Variants in RILPL2 observed in about 807,000 individuals in gnomAD.
RILPL2 encodes the protein RILP-like protein 2.
Under a neutral mutation model 22.2 loss-of-function variants are expected in RILPL2, and 19 were observed. The observed-to-expected ratio is 0.86, with a 90% CI of 0.60 to 1.25. RILPL2 has a LOEUF of 1.25. Ranked by LOEUF, RILPL2 falls within the 50% of genes most tolerant of loss-of-function variation. The pLI is 0.00. For synonymous variants in RILPL2, 123 were observed against 111.6 expected (o/e 1.10, Z -0.64); for missense variants, 243 against 263.6 (o/e 0.92, Z 0.54).
At chr12:123,424,714 G>C (rs1879388131) in intron 2 of RILPL2, among the ~76,000 whole-genome samples, 1 of 152,132 alleles carries the variant, frequency 6.6e-6, no homozygotes, top group Admixed American at 6.6e-5. Flanking sequence ...ACCATAAGAA[G>C]ACTGACCAAA....
chr12:123,413,377 C>G (rs1341910437), downstream of RILPL2: 2 of 153,144 alleles, frequency 1.3e-5, no homozygotes, highest in Non-Finnish European at 1.5e-5. Context: ...CAGATGTGTT[C>G]GGAGTTTCTT....
chr12:123,435,706 T>C (rs1566094636), intron 1 of RILPL2, among the ~76,000 whole-genome samples: 2 of 152,112 alleles, frequency 1.3e-5, no homozygotes, highest in African/African-American at 2.4e-5. Context: ...ACCACTGCAC[T>C]CTAGCCTGGG....
downstream of RILPL2, chr12:123,413,657 G>C (rs184290346): frequency 5.3e-5 from 8 of 152,240 alleles, no homozygotes; most frequent in African/African-American, 1.7e-4. Flanking sequence ...GAACCCGAGC[G>C]GGTTGCCACT....
chr12:123,432,439 G>A (rs1879678788), intron 1 of RILPL2, among the ~76,000 whole-genome samples: 1 of 152,180 alleles, frequency 6.6e-6, no homozygotes, highest in Non-Finnish European at 1.5e-5. Flanking sequence ...CAGGGAGGCT[G>A]AAACTGCAGT....
rs554378224 is a variant in RILPL2, at chr12:123,415,751, C to T, written c.*140G>A. The T allele has an allele frequency of 4.7e-6, 4 of 842,672 alleles. No homozygotes were observed. In the East Asian group the frequency reaches 7.3e-5, roughly 15 times the overall value. The allele number at this position is 842,672 out of a possible 1,614,324, so 52.2% of individuals were successfully genotyped here. A position where few individuals can be genotyped will look rare whatever the true frequency, so the allele number is the denominator to read the frequency against. ...AGTGATGCCAAGAGAACCTCGTCTC[C>T]TCCCTCCTCAGTCTGCTTTGAAGGG... On this transcript the variant is annotated 3_prime_UTR_variant, in exon 4 of 4. Coordinates refer to ENST00000280571, the MANE Select transcript of RILPL2 (RefSeq NM_145058.3).
intron 2 of RILPL2, among the ~76,000 whole-genome samples, chr12:123,425,174 CTTA>C (rs1879408197): frequency 6.6e-6 from 1 of 151,650 alleles, no homozygotes; most frequent in Admixed American, 6.6e-5. Flanking sequence ...TGCGCCCGGC[CTTA>C]TTATTATTTT....
At chr12:123,429,887 A>C (rs1222453260) in intron 2 of RILPL2, among the ~76,000 whole-genome samples, 1 of 151,626 alleles carries the variant, frequency 6.6e-6, no homozygotes, top group African/African-American at 2.4e-5. Flanking sequence ...AGGCTGAGGC[A>C]GGTGGATCAC....
At chr12:123,425,000 C>G (rs1879401405) in intron 2 of RILPL2, among the ~76,000 whole-genome samples, 1 of 151,990 alleles carries the variant, frequency 6.6e-6, no homozygotes, top group African/African-American at 2.4e-5. Context: ...CTGCCTCAGC[C>G]TCTCAAGTAG....
chr12:123,420,272 G>A (rs536686346), intron 3 of RILPL2, among the ~76,000 whole-genome samples: 54 of 151,238 alleles, frequency 3.6e-4, no homozygotes, highest in African/African-American at 1.0e-3. Flanking sequence ...TGATCCTCCC[G>A]CCTCGGCCTC....
chr12:123,421,731 A>G (rs1190112473), intron 3 of RILPL2, among the ~76,000 whole-genome samples: 8 of 144,706 alleles, frequency 5.5e-5, no homozygotes, highest in Non-Finnish European at 1.1e-4. Flanking sequence ...GCAGTGGCAC[A>G]ATCTCGGCTC....
At chr12:123,425,081 G>A (rs963312099) in intron 2 of RILPL2, among the ~76,000 whole-genome samples, 2 of 151,734 alleles carry the variant, frequency 1.3e-5, no homozygotes, top group Admixed American at 6.6e-5. Flanking sequence ...GGATTTCACT[G>A]TGTTAGCCAG....
At chr12:123,420,730 C>G (rs1029760257) in intron 3 of RILPL2, among the ~76,000 whole-genome samples, 1 of 152,206 alleles carries the variant, frequency 6.6e-6, no homozygotes, top group Non-Finnish European at 1.5e-5. Context: ...AGCCACTGCG[C>G]CCGGTCGAGT....
At chr12:123,413,672 C>G (rs1299407133), downstream of RILPL2, 2 of 152,232 alleles carry the variant, frequency 1.3e-5, no homozygotes, top group Non-Finnish European at 2.9e-5. Flanking sequence ...GCCACTGCTG[C>G]CTGGGGCAGC....
chr12:123,416,271 C>A (rs1380544678), intron 3 of RILPL2, among the ~76,000 whole-genome samples: 1 of 152,096 alleles, frequency 6.6e-6, no homozygotes, highest in East Asian at 1.9e-4. Flanking sequence ...TTGCAGTGAG[C>A]CGAGATTGCG....
intron 2 of RILPL2, among the ~76,000 whole-genome samples, chr12:123,427,807 A>T (rs912956660): frequency 4.6e-5 from 7 of 152,102 alleles, no homozygotes; most frequent in African/African-American, 1.7e-4. Flanking sequence ...GGCCTCCCAA[A>T]GTGCTGGGAT....
chr12:123,425,094 T>G (rs1223345598), intron 2 of RILPL2, among the ~76,000 whole-genome samples: 3 of 151,928 alleles, frequency 2.0e-5, no homozygotes, highest in Non-Finnish European at 2.9e-5. Flanking sequence ...TTAGCCAGGA[T>G]GGTATCAATC....
At chr12:123,416,853 C>A (rs193097967) in intron 3 of RILPL2, among the ~76,000 whole-genome samples, 6 of 152,182 alleles carry the variant, frequency 3.9e-5, no homozygotes, top group Non-Finnish European at 5.9e-5. Context: ...CGTAGAAGGA[C>A]GCTGAAAGAA....
rs192888189 is a variant in RILPL2 at position 123,417,324 on chromosome 12, C to T, written c.606-1403G>A. Among the ~76,000 whole-genome samples the T allele has an allele frequency of 8.0e-5, 12 of 150,600 alleles. No homozygotes were observed. In the East Asian group the frequency reaches 2.3e-3, roughly 29 times the overall value. On this transcript the variant is annotated intron_variant, in intron 3 of 3. Coordinates refer to ENST00000280571, the MANE Select transcript of RILPL2 (RefSeq NM_145058.3). The stretch of plus-strand genomic sequence containing the variant: ...AAAAAAAAAAAAAGGAAAAAAGAAA[C>T]ACCCCCATTGGCCTTACTTTGACCC...
intron 1 of RILPL2, among the ~76,000 whole-genome samples, chr12:123,435,709 A>G (rs1321476928): frequency 6.6e-6 from 1 of 152,174 alleles, no homozygotes; most frequent in East Asian, 1.9e-4. Flanking sequence ...ACTGCACTCT[A>G]GCCTGGGAGA....
Sources: allele counts gnomAD v4.1 joint callset (sites outside exome capture counted in the v4.1 genomes callset), GRCh38; gene constraint gnomAD v4.1.1; transcripts MANE v1.5; gene names NCBI Gene and HGNC (gene_info 2026-07-23, HGNC 2026-07-21).